BTG3: variants seen among roughly 807,000 people sequenced by gnomAD.
The protein encoded by BTG3 is protein BTG3.
BTG3 carries 4 observed loss-of-function variants against 25.8 expected under a neutral mutation model. That is an observed-to-expected ratio of 0.16 (90% confidence interval 0.08 to 0.36). The LOEUF is 0.36. Ranked by LOEUF, BTG3 falls within the 10% of genes least tolerant of loss-of-function variation. The probability of loss-of-function intolerance (pLI) is 1.00; values close to 1 mark genes in which losing one functional copy is unlikely to be tolerated. For synonymous variants in BTG3, 107 were observed against 99.9 expected (o/e 1.07, Z -0.42); for missense variants, 201 against 304.9 (o/e 0.66, Z 2.54).
At chr21:17,595,412 CTTCT>C (rs772422138) in intron 4 of BTG3, among the ~76,000 whole-genome samples, 33 of 152,004 alleles carry the variant, frequency 2.2e-4, no homozygotes, top group Non-Finnish European at 2.9e-4. Flanking sequence ...CACCCTTTAT[CTTCT>C]TTATCTTAAC....
In BTG3 at chr21:17,609,073, T is replaced by C; in HGVS notation, c.72A>G (p.Lys24=). Residue 24 remains lysine, a synonymous_variant, in exon 2 of 5, where the codon AAA becomes AAG. Coordinates refer to ENST00000348354, the MANE Select transcript of BTG3 (RefSeq NM_006806.5). ...TCTCAGCAAACCTCTCAACTGCCTC[T>C]TTTTTCAACTTATCATGTTTTCGAA... is the stretch of plus-strand genomic sequence containing the variant. ...RLVRKHDKLK[K]EAVERFAEKL... is the part of the protein sequence containing the mutation. 1 of 1,614,138 alleles carries C rather than the reference T, an allele frequency of 6.2e-7. No homozygotes were observed. Among genetic ancestry groups the C allele is most frequent in the East Asian group, 2.2e-5 (1 of 44,882 alleles).
intron 1 of BTG3, among the ~76,000 whole-genome samples, chr21:17,609,739 T>C (rs1202443374): frequency 2.6e-5 from 4 of 152,304 alleles, no homozygotes; most frequent in East Asian, 3.9e-4. Flanking sequence ...GTATTCATAA[T>C]AGCTAAAAAG....
intron 2 of BTG3, 75 bp from the exon 3 acceptor site, chr21:17,605,072 G>C (rs868271015): frequency 5.4e-6 from 8 of 1,483,084 alleles, no homozygotes; most frequent in African/African-American, 4.2e-5. Context: ...ATTCATACTT[G>C]CCAAGGTGAG....
At chr21:17,610,972 TGGAG>T (rs2061713085) in intron 1 of BTG3, among the ~76,000 whole-genome samples, 1 of 152,142 alleles carries the variant, frequency 6.6e-6, no homozygotes, top group Non-Finnish European at 1.5e-5. Context: ...GATAGCCTGA[TGGAG>T]GGGAAGGCAC....
At chr21:17,602,964 C>A (rs2061593129) in intron 3 of BTG3, among the ~76,000 whole-genome samples, 1 of 152,162 alleles carries the variant, frequency 6.6e-6, no homozygotes, top group Admixed American at 6.5e-5. Context: ...TGTGTGATAA[C>A]ATAATCGTGC....
chr21:17,608,804 C>G (rs901573929), intron 2 of BTG3, 168 bp downstream of exon 2: 5 of 638,654 alleles, frequency 7.8e-6, no homozygotes, highest in Admixed American at 3.7e-5. Flanking sequence ...ACTCCGCCAA[C>G]AAATACTTGT....
In BTG3 at chr21:17,604,493, A is replaced by G. The variant is rs1255352414; in HGVS notation, c.311+367T>C. Reference sequence around the variant, plus strand: ...GAATAAACAGAAACAGAAACAAACCAAAAGTGGTTATCCAGTATTATTTGG... The same window carrying G: ...GAATAAACAGAAACAGAAACAAACCGAAAGTGGTTATCCAGTATTATTTGG... On this transcript the variant is annotated intron_variant, in intron 3 of 4. Coordinates refer to ENST00000348354, the MANE Select transcript of BTG3 (RefSeq NM_006806.5). Among the ~76,000 whole-genome samples, 5 of 152,158 alleles carry G rather than the reference A, an allele frequency of 3.3e-5. No individual in the cohort carries two copies. In the South Asian group the frequency reaches 8.3e-4, roughly 25 times the overall value.
At chr21:17,596,432 G>A (rs759285672) in intron 4 of BTG3, among the ~76,000 whole-genome samples, 1 of 151,896 alleles carries the variant, frequency 6.6e-6, no homozygotes, top group Non-Finnish European at 1.5e-5. Context: ...TTTATGTCTA[G>A]GTACACAATC....
intron 3 of BTG3, chr21:17,604,072 C>G (rs2061605993): frequency 8.4e-7 from 1 of 1,195,324 alleles, no homozygotes. Context: ...TTTCACAACT[C>G]TATTCATTAG....
At chr21:17,606,596 C>CT (rs753187313) in intron 2 of BTG3, among the ~76,000 whole-genome samples, 39 of 152,076 alleles carry the variant, frequency 2.6e-4, no homozygotes, top group Middle Eastern at 3.4e-3. Flanking sequence ...GATACAGGCT[C>CT]TAAGCTTACA....
intron 4 of BTG3, 66 bp from the exon 5 acceptor site, chr21:17,594,398 T>C: frequency 6.6e-7 from 1 of 1,505,862 alleles, no homozygotes. Flanking sequence ...TCCAGATTTC[T>C]CATTAAAGAC....
intron 2 of BTG3, among the ~76,000 whole-genome samples, chr21:17,606,252 A>T (rs1019944018): frequency 1.3e-5 from 2 of 152,168 alleles, no homozygotes; most frequent in Non-Finnish European, 2.9e-5. Context: ...AGTTTGAGTA[A>T]CTTCCCAACA....
chr21:17,602,678 G>GAA (rs2123456420), intron 3 of BTG3, among the ~76,000 whole-genome samples: 1 of 152,224 alleles, frequency 6.6e-6, no homozygotes, highest in African/African-American at 2.4e-5. Flanking sequence ...ATATAAATTA[G>GAA]AAGCCTACTG....
Position 17,594,122 on chromosome 21 carries a change from T to C in BTG3, c.730A>G (p.Ile244Val). 1 of 1,613,170 alleles carries C rather than the reference T, an allele frequency of 6.2e-7. No individual in the cohort carries two copies. The highest frequency in any genetic ancestry group is 8.5e-7 in the Non-Finnish European group (1 of 1,179,336). ...TGAGGTGCTAACATGTGAGGATTAA[T>C]CCAGTGATTCCGGTCACAATGCATT... Reference protein sequence around the residue: ...PGMHCDRNHWINPHMLAPH With the variant: ...PGMHCDRNHWVNPHMLAPH The change falls in exon 5 of 5, where the codon ATT becomes GTT. Residue 244 changes from isoleucine to valine, a missense_variant. Ile to Val is a conservative substitution (Grantham distance 29). This residue lies in a region of BTG3 where 131 missense variants were observed against 129.3 expected (regional missense o/e 1.01). Transcript: ENST00000348354.
At chr21:17,610,458 T>C (rs1402022187) in intron 1 of BTG3, among the ~76,000 whole-genome samples, 1 of 152,190 alleles carries the variant, frequency 6.6e-6, no homozygotes, top group Non-Finnish European at 1.5e-5. Flanking sequence ...TCAGGACATA[T>C]TTAAGAAATG....
chr21:17,598,551 G>A, intron 4 of BTG3, 66 bp downstream of exon 4: 1 of 1,369,286 alleles, frequency 7.3e-7, no homozygotes. Context: ...ATGCCAAGTA[G>A]GACTACCTGA....
intron 4 of BTG3, among the ~76,000 whole-genome samples, chr21:17,597,527 C>T (rs1401530753): frequency 6.6e-6 from 1 of 151,830 alleles, no homozygotes; most frequent in Non-Finnish European, 1.5e-5. Flanking sequence ...ATGAATGTCT[C>T]TGTGGAAATG....
At chr21:17,600,825 G>C (rs1055373780) in intron 3 of BTG3, among the ~76,000 whole-genome samples, 5 of 151,992 alleles carry the variant, frequency 3.3e-5, no homozygotes. Flanking sequence ...CTTAAATATA[G>C]TACATAACTT....
chr21:17,611,675 C>A (rs1045756924), intron 1 of BTG3: 1 of 152,168 alleles, frequency 6.6e-6, no homozygotes, highest in Non-Finnish European at 1.5e-5. Context: ...CAAAAGGCTC[C>A]CATTTTAAAT....
Sources: allele counts gnomAD v4.1 joint callset (sites outside exome capture counted in the v4.1 genomes callset), GRCh38; gene constraint gnomAD v4.1.1; regional missense constraint gnomAD v4.1.1; transcripts MANE v1.5; gene names NCBI Gene and HGNC (gene_info 2026-07-23, HGNC 2026-07-21).